Variants in EYS observed in about 807,000 individuals in gnomAD.
The protein encoded by EYS is protein eyes shut homolog.
Under a neutral mutation model 282.1 loss-of-function variants are expected in EYS, and 250 were observed. That is an observed-to-expected ratio of 0.89 (90% CI 0.80 to 0.98). The LOEUF is 0.98. EYS is among the 50% of genes least tolerant of loss of function. The pLI is 0.00. For synonymous variants in EYS, 1,355 were observed against 1,282.9 expected (o/e 1.06, Z -1.20); for missense variants, 4,016 against 3,709.0 (o/e 1.08, Z -2.15).
At chr6:64,007,606 T>C (rs1396864689) in intron 33 of EYS, among the ~76,000 whole-genome samples, 1 of 152,108 alleles carries the variant, frequency 6.6e-6, no homozygotes, top group East Asian at 1.9e-4. Flanking sequence ...GAGATCTAAC[T>C]TTTTGATATG....
At chr6:65,055,126 C>T (rs1218412686) in intron 13 of EYS, among the ~76,000 whole-genome samples, 2 of 152,018 alleles carry the variant, frequency 1.3e-5, no homozygotes, top group African/African-American at 4.8e-5. Context: ...GGACCACAAG[C>T]ATGCCACCAC....
chr6:65,298,374 G>A (rs941149258), intron 11 of EYS, among the ~76,000 whole-genome samples: 5 of 151,992 alleles, frequency 3.3e-5, no homozygotes, highest in African/African-American at 1.2e-4. Flanking sequence ...TTATTAAGAG[G>A]AAGATTTAAT....
At chr6:64,437,989 T>A (rs1252035826) in intron 27 of EYS, among the ~76,000 whole-genome samples, 1 of 151,740 alleles carries the variant, frequency 6.6e-6, no homozygotes, top group African/African-American at 2.4e-5. Context: ...ATTATATAAG[T>A]TAATTACCTT....
At chr6:65,583,596 T>A (rs982292891) in intron 2 of EYS, among the ~76,000 whole-genome samples, 3 of 152,138 alleles carry the variant, frequency 2.0e-5, no homozygotes, top group Non-Finnish European at 4.4e-5. Context: ...TTTTCATTAA[T>A]ATCTTCACTT....
At chr6:64,995,737 T>A (rs959540563) in intron 14 of EYS, among the ~76,000 whole-genome samples, 1 of 148,634 alleles carries the variant, frequency 6.7e-6, no homozygotes, top group Non-Finnish European at 1.5e-5. Context: ...CATATTCTTA[T>A]TATCACAATT....
intron 26 of EYS, among the ~76,000 whole-genome samples, chr6:64,574,232 C>T (rs1329244838): frequency 6.6e-6 from 1 of 151,996 alleles, no homozygotes; most frequent in Non-Finnish European, 1.5e-5. Flanking sequence ...ACAATGGGAA[C>T]ACAGGGACAC....
chr6:64,889,228 C>G (rs1330663019), intron 18 of EYS, among the ~76,000 whole-genome samples: 1 of 151,806 alleles, frequency 6.6e-6, no homozygotes, highest in Non-Finnish European at 1.5e-5. Context: ...TTTTGCTCCC[C>G]AAATTTTGTT....
intron 30 of EYS, among the ~76,000 whole-genome samples, chr6:64,235,617 G>T (rs548968702): frequency 6.6e-5 from 10 of 152,220 alleles, no homozygotes; most frequent in Non-Finnish European, 1.5e-4. Flanking sequence ...TAATGGGATG[G>T]CTGGGTCAAA....
chr6:65,475,802 AAGAG>A (rs1344197825), intron 5 of EYS, among the ~76,000 whole-genome samples: 6 of 151,006 alleles, frequency 4.0e-5, no homozygotes, highest in Admixed American at 2.6e-4. Context: ...GAGAGAGAGA[AAGAG>A]AGACATTAGC....
chr6:64,606,438 A>T (rs1363600677), intron 24 of EYS, among the ~76,000 whole-genome samples: 1 of 152,008 alleles, frequency 6.6e-6, no homozygotes, highest in Non-Finnish European at 1.5e-5. Context: ...CTATCAACAC[A>T]TATTAGTTAA....
intron 2 of EYS, among the ~76,000 whole-genome samples, chr6:65,517,520 C>T (rs892370322): frequency 1.3e-5 from 2 of 151,892 alleles, no homozygotes; most frequent in Non-Finnish European, 2.9e-5. Flanking sequence ...AGTGAGGTTA[C>T]GGGTAAACAA....
intron 32 of EYS, among the ~76,000 whole-genome samples, chr6:64,068,454 A>T (rs1206493014): frequency 8.1e-6 from 1 of 124,216 alleles, no homozygotes; most frequent in African/African-American, 3.1e-5. Flanking sequence ...AAATCAATTT[A>T]TGTATTGTTT....
In EYS at chr6:63,876,810, C is replaced by A. The variant is rs149611210; in HGVS notation, c.7056-12452G>T. Among the ~76,000 whole-genome samples the A allele has an allele frequency of 7.2e-3, 1,080 of 150,474 alleles. 16 individuals are homozygous for A. The highest frequency in any genetic ancestry group is 0.024 in the South Asian group (113 of 4,780). ...GCAACCCCTGCTTTTTTTTTGTTTT[C>A]CATTTGCTTGGTAGATCTTCCTTCA... On this transcript the variant is annotated intron_variant, in intron 35 of 42. Transcript: ENST00000503581.
intron 22 of EYS, among the ~76,000 whole-genome samples, chr6:64,765,840 C>CTAAGGA (rs1459047332): frequency 6.6e-6 from 1 of 151,902 alleles, no homozygotes; most frequent in African/African-American, 2.4e-5. Context: ...TCCTCCAATA[C>CTAAGGA]TAAGGATACA....
intron 22 of EYS, among the ~76,000 whole-genome samples, chr6:64,788,916 T>C (rs1333481343): frequency 6.6e-6 from 1 of 152,212 alleles, no homozygotes; most frequent in Non-Finnish European, 1.5e-5. Context: ...GTGGTAAAGA[T>C]GTGTTTAATC....
intron 29 of EYS, among the ~76,000 whole-genome samples, chr6:64,387,594 T>C (rs1474110792): frequency 1.3e-5 from 2 of 152,180 alleles, no homozygotes; most frequent in Non-Finnish European, 2.9e-5. Context: ...TGACAGGAAC[T>C]GTCCTTGCCT....
intron 22 of EYS, among the ~76,000 whole-genome samples, chr6:64,712,083 G>A (rs1248712115): frequency 6.6e-6 from 1 of 152,206 alleles, no homozygotes; most frequent in Non-Finnish European, 1.5e-5. Flanking sequence ...CAGGCTTTAA[G>A]GTGCCTTCAG....
intron 12 of EYS, among the ~76,000 whole-genome samples, chr6:65,217,985 TGA>T (rs1766359688): frequency 6.6e-6 from 1 of 152,078 alleles, no homozygotes; most frequent in Non-Finnish European, 1.5e-5. Context: ...TTGTCTCCAT[TGA>T]GAGATCTTGG....
chr6:64,430,556 C>T (rs1490145806), intron 28 of EYS, among the ~76,000 whole-genome samples: 2 of 152,192 alleles, frequency 1.3e-5, no homozygotes, highest in African/African-American at 4.8e-5. Flanking sequence ...TCAAATTCAA[C>T]TACTAAGTGT....
Sources: gnomAD v4.1 joint callset for allele counts (sites outside exome capture counted in the v4.1 genomes callset) on GRCh38, gnomAD v4.1.1 for gene constraint, MANE v1.5 for transcripts, NCBI Gene and HGNC (gene_info 2026-07-23, HGNC 2026-07-21) for gene names.